The following RNF217 variants were observed in gnomAD, a reference collection of about 807,000 sequenced individuals.
RNF217 encodes E3 ubiquitin-protein ligase RNF217.
In RNF217, 31 loss-of-function variants were observed where a neutral mutation model predicts 57.8. That is an observed-to-expected ratio of 0.54 (90% CI 0.40 to 0.72). The LOEUF is 0.72. Ranked by LOEUF, RNF217 falls within the 30% of genes least tolerant of loss-of-function variation. The pLI is 0.00. For synonymous variants in RNF217, 313 were observed against 294.0 expected, an observed-to-expected ratio of 1.06 and a Z score of -0.66; for missense variants, 696 against 708.3, an observed-to-expected ratio of 0.98 and a Z score of 0.20.
At chr6:125,045,474 G>A (rs1446933252) in intron 2 of RNF217, 30 bp downstream of exon 2, 4 of 1,552,182 alleles carry the variant, frequency 2.6e-6, no homozygotes, top group Non-Finnish European at 3.5e-6. Flanking sequence ...CTGTGGGTTA[G>A]ATGTCACATG....
intron 1 of RNF217, among the ~76,000 whole-genome samples, chr6:125,032,285 A>T (rs1251134907): frequency 6.6e-6 from 1 of 152,180 alleles, no homozygotes; most frequent in Non-Finnish European, 1.5e-5. Context: ...AGAAACTGAG[A>T]CTAGCAAATG....
intron 1 of RNF217, among the ~76,000 whole-genome samples, chr6:125,014,625 A>T (rs1263687493): frequency 1.3e-5 from 2 of 152,148 alleles, no homozygotes; most frequent in East Asian, 3.9e-4. Flanking sequence ...TATGGTCAGA[A>T]GCAGTTCAAA....
intron 1 of RNF217, among the ~76,000 whole-genome samples, chr6:125,006,930 CAA>C (rs1442610032): frequency 2.0e-5 from 3 of 152,214 alleles, no homozygotes; most frequent in Non-Finnish European, 2.9e-5. Context: ...GCCTGGGTGA[CAA>C]GAGCAAAACT....
chr6:125,023,926 G>C (rs946486305), intron 1 of RNF217, among the ~76,000 whole-genome samples: 8 of 152,124 alleles, frequency 5.3e-5, no homozygotes, highest in African/African-American at 1.9e-4. Flanking sequence ...ATGGGCATGG[G>C]GGGAAAAGGA....
At chr6:124,993,634 C>T (rs1250736350) in intron 1 of RNF217, among the ~76,000 whole-genome samples, 1 of 152,160 alleles carries the variant, frequency 6.6e-6, no homozygotes, top group Non-Finnish European at 1.5e-5. Flanking sequence ...GTAAAATCAC[C>T]TGTCTTACAG....
chr6:125,051,793 T>G (rs1352506997), intron 2 of RNF217, among the ~76,000 whole-genome samples: 1 of 152,040 alleles, frequency 6.6e-6, no homozygotes, highest in Non-Finnish European at 1.5e-5. Flanking sequence ...CTGATTCTGT[T>G]GTGTTCAGAA....
In RNF217 at chr6:125,086,182, C is replaced by T. The variant is rs2114668639; in HGVS notation, c.*3245C>T. The T allele has an allele frequency of 6.6e-6, 1 of 151,780 alleles. No homozygotes were observed. Among genetic ancestry groups the T allele is most frequent in the Admixed American group, 6.6e-5 (1 of 15,214 alleles). 9.4% of individuals were successfully genotyped at this position (151,780 alleles called of 1,614,324 possible). ...TGAGGTCATAGAGATAATATGAGAC[C>T]CTTTTTTGGATAAAAAGAAAGATTG... On this transcript the variant is annotated 3_prime_UTR_variant, in exon 6 of 6. Coordinates refer to ENST00000521654, the MANE Select transcript of RNF217 (RefSeq NM_001286398.3).
intron 4 of RNF217, among the ~76,000 whole-genome samples, chr6:125,077,826 A>G (rs1247483675): frequency 6.6e-6 from 1 of 152,134 alleles, no homozygotes; most frequent in Non-Finnish European, 1.5e-5. Context: ...TGCTTTATGA[A>G]AATCTTTATA....
intron 1 of RNF217, among the ~76,000 whole-genome samples, chr6:125,044,138 T>G (rs1387936795): frequency 2.0e-5 from 3 of 152,050 alleles, no homozygotes; most frequent in Non-Finnish European, 2.9e-5. Flanking sequence ...TACCTCAGTC[T>G]TCATAGCATG....
At chr6:125,014,619 G>T (rs1210620052) in intron 1 of RNF217, among the ~76,000 whole-genome samples, 1 of 152,084 alleles carries the variant, frequency 6.6e-6, no homozygotes, top group Non-Finnish European at 1.5e-5. Flanking sequence ...GCCAATTATG[G>T]TCAGAAGCAG....
chr6:125,045,160 G>T, intron 1 of RNF217, 51 bp from the exon 2 acceptor site: 4 of 1,207,790 alleles, frequency 3.3e-6, no homozygotes, highest in Middle Eastern at 2.0e-4. Flanking sequence ...AAAAATGAAA[G>T]AAAATAACCA....
chr6:125,070,015 C>T (rs1158331470), intron 3 of RNF217, among the ~76,000 whole-genome samples: 1 of 152,080 alleles, frequency 6.6e-6, no homozygotes, highest in African/African-American at 2.4e-5. Context: ...CTCTTACCTC[C>T]TATTCCTAGT....
At position 125,019,692 on chromosome 6, in the gene RNF217, T is replaced by C. The variant is rs116622335; in HGVS notation, c.883-25519T>C. The stretch of plus-strand genomic sequence containing the variant: ...TCTCAAGTTCCATTTTTTTCCTTCT[T>C]ACAGGCACACTGTCTGGTGCCCTCT... On this transcript the variant is annotated intron_variant, in intron 1 of 5. Coordinates refer to ENST00000521654, the MANE Select transcript of RNF217 (RefSeq NM_001286398.3). Among the ~76,000 whole-genome samples the C allele has an allele frequency of 6.2e-3, 947 of 152,214 alleles. 9 individuals are homozygous for C. The highest frequency in any genetic ancestry group is 0.022 in the African/African-American group (909 of 41,548).
chr6:124,976,936 T>C (rs1049718868), intron 1 of RNF217, among the ~76,000 whole-genome samples: 1 of 152,236 alleles, frequency 6.6e-6, no homozygotes, highest in African/African-American at 2.4e-5. Flanking sequence ...TTAGAAGGAA[T>C]GCTAAGCAGG....
At chr6:125,012,675 A>T (rs1785455990) in intron 1 of RNF217, among the ~76,000 whole-genome samples, 1 of 152,174 alleles carries the variant, frequency 6.6e-6, no homozygotes, top group Non-Finnish European at 1.5e-5. Flanking sequence ...TTAGCATAAT[A>T]TGGTAGCAGA....
intron 1 of RNF217, among the ~76,000 whole-genome samples, chr6:124,986,999 T>C: frequency 6.6e-6 from 1 of 152,224 alleles, no homozygotes; most frequent in African/African-American, 2.4e-5. Context: ...ATATTTCATA[T>C]TTAAAACATC....
At chr6:125,031,871 C>T (rs1157365258) in intron 1 of RNF217, among the ~76,000 whole-genome samples, 2 of 152,080 alleles carry the variant, frequency 1.3e-5, no homozygotes, top group African/African-American at 4.8e-5. Flanking sequence ...CTGTATTAGT[C>T]CATTTTCACA....
At chr6:125,003,392 T>G (rs1443128627) in intron 1 of RNF217, among the ~76,000 whole-genome samples, 1 of 152,182 alleles carries the variant, frequency 6.6e-6, no homozygotes, top group Non-Finnish European at 1.5e-5. Context: ...AAAAGTTAGT[T>G]AACTTCCTTA....
intron 1 of RNF217, among the ~76,000 whole-genome samples, chr6:125,013,860 T>C (rs1029315854): frequency 6.6e-6 from 1 of 152,192 alleles, no homozygotes; most frequent in Non-Finnish European, 1.5e-5. Context: ...GCAAAGGACA[T>C]GTAACAGCAG....
Sources: gnomAD v4.1 joint callset for allele counts (sites outside exome capture counted in the v4.1 genomes callset) on GRCh38, gnomAD v4.1.1 for gene constraint, MANE v1.5 for transcripts, NCBI Gene and HGNC (gene_info 2026-07-23, HGNC 2026-07-21) for gene names.